FRYL: variants seen among roughly 807,000 people sequenced by gnomAD.
FRYL encodes protein furry homolog-like.
Under a neutral mutation model 351.2 loss-of-function variants are expected in FRYL, and 150 were observed. The ratio of observed to expected loss-of-function variants is 0.43; its 90% confidence interval spans 0.37 to 0.49. The LOEUF is 0.49. Ranked by LOEUF, FRYL falls within the 20% of genes least tolerant of loss-of-function variation. FRYL has a pLI of 0.00. For synonymous variants in FRYL, 1,153 were observed against 1,257.1 expected, an observed-to-expected ratio of 0.92 and a Z score of 1.75; for missense variants, 3,036 against 3,619.3, an observed-to-expected ratio of 0.84 and a Z score of 4.13.
chr4:48,716,684 C>G (rs907932662), intron 1 of FRYL, among the ~76,000 whole-genome samples: 3 of 151,560 alleles, frequency 2.0e-5, no homozygotes, highest in African/African-American at 7.3e-5. Context: ...GGTCTGTAAA[C>G]TTGTTCAACC....
chr4:48,561,606 G>A lies in FRYL; in HGVS notation c.3727C>T (p.His1243Tyr), dbSNP rs2149054783. The change falls in exon 33 of 64, where the codon CAC (histidine) becomes TAC (tyrosine). Residue 1243 changes from histidine to tyrosine, a missense_variant. His to Tyr is a moderately conservative substitution (Grantham distance 83, BLOSUM62 2). Around this residue, in one of 7 missense-constraint regions of FRYL, gnomAD observed 1,987 missense variants for 2,311.7 expected, o/e 0.86. Transcript: ENST00000358350. Reference protein sequence around the residue: ...ILEPKMFRYAHKLEVQRTDGV... With the variant: ...ILEPKMFRYAYKLEVQRTDGV... ...TCTGTTCTCTGAACCTCCAATTTGTGAGCATAGCGAAACATCTTCGGTTCC... is the reference window on the plus strand; with the variant it reads ...TCTGTTCTCTGAACCTCCAATTTGTAAGCATAGCGAAACATCTTCGGTTCC... The A allele has an allele frequency of 6.2e-6, 10 of 1,610,992 alleles. No individual in the cohort carries two copies. The highest frequency in any genetic ancestry group is 8.5e-6 in the Non-Finnish European group (10 of 1,178,132).
At chr4:48,712,489 G>T (rs201529518) in intron 1 of FRYL, among the ~76,000 whole-genome samples, 1 of 152,158 alleles carries the variant, frequency 6.6e-6, no homozygotes, top group Non-Finnish European at 1.5e-5. Flanking sequence ...TGAAATGAAA[G>T]AAATGAAGCG....
intron 19 of FRYL, among the ~76,000 whole-genome samples, chr4:48,583,551 G>C (rs1239274257): frequency 1.3e-5 from 2 of 151,862 alleles, no homozygotes; most frequent in Non-Finnish European, 2.9e-5. Flanking sequence ...AATAATTATT[G>C]AAGGTCAGAA....
intron 1 of FRYL, among the ~76,000 whole-genome samples, chr4:48,741,786 TG>T (rs1304838213): frequency 6.6e-6 from 1 of 152,176 alleles, no homozygotes; most frequent in Non-Finnish European, 1.5e-5. Flanking sequence ...GCCTGAAAAC[TG>T]ACTGGCTGAT....
chr4:48,606,465 A>C lies in FRYL; in HGVS notation c.714T>G (p.Asp238Glu). Reference sequence around the variant, plus strand: ...GCATAAATTGAAATGATGCTTCAAAATCTTCTACAGGATACATTTTTACTC... The same window carrying C: ...GCATAAATTGAAATGATGCTTCAAACTCTTCTACAGGATACATTTTTACTC... ...FFRVKMYPVE[D>E]FEASFQFMQE... Residue 238 changes from aspartate (D) to glutamate (E), a missense_variant, in exon 10 of 64, where the codon GAT becomes GAG. By Grantham distance (45) the Asp-to-Glu change is conservative. Transcript: ENST00000358350. 1 of 1,610,566 alleles carries C rather than the reference A, an allele frequency of 6.2e-7. No individual in the cohort carries two copies. The highest frequency in any genetic ancestry group is 8.5e-7 in the Non-Finnish European group (1 of 1,177,444).
At chr4:48,730,758 C>A (rs1770634242) in intron 1 of FRYL, among the ~76,000 whole-genome samples, 1 of 152,070 alleles carries the variant, frequency 6.6e-6, no homozygotes, top group Admixed American at 6.6e-5. Context: ...CCAGCCACTG[C>A]AAAACATGCC....
intron 58 of FRYL, among the ~76,000 whole-genome samples, chr4:48,510,399 T>TA (rs1160498195): frequency 1.3e-5 from 2 of 152,204 alleles, no homozygotes; most frequent in Non-Finnish European, 2.9e-5. Flanking sequence ...GCCAGACCAG[T>TA]ACATACCTCA....
Position 48,647,561 on chromosome 4 carries a change from C to T in FRYL, c.-80-13071G>A, listed in dbSNP as rs377539925. On this transcript the variant is annotated intron_variant, in intron 3 of 63. Coordinates refer to ENST00000358350, the MANE Select transcript of FRYL (RefSeq NM_015030.2). ...GTGAAACCCAAATACTTAATGAGTC[C>T]GATAATCAGCTGTACTTCTCACAAC... Among the ~76,000 whole-genome samples, 13 of 152,104 alleles carry T rather than the reference C, an allele frequency of 8.5e-5. No individual in the cohort carries two copies. In the East Asian group the frequency reaches 1.7e-3, roughly 20 times the overall value.
chr4:48,515,951 T>C (rs1308351899), intron 55 of FRYL, among the ~76,000 whole-genome samples: 1 of 152,094 alleles, frequency 6.6e-6, no homozygotes, highest in Admixed American at 6.6e-5. Context: ...CACAGTATAT[T>C]CCGGATATAA....
At position 48,561,499 on chromosome 4, in the gene FRYL, C is replaced by T. The variant is rs766513078; in HGVS notation, c.3834G>A (p.Ala1278=). The T allele has an allele frequency of 2.6e-5, 42 of 1,609,150 alleles. No homozygotes were observed. The highest frequency in any genetic ancestry group is 1.6e-4 in the East Asian group (7 of 44,824). The part of the protein sequence containing the change: ...YYQLSEELAR[A]YPELTLAIFS... ...ATATGGCGAGAGTTAGCTCAGGATA[C>T]GCCCTTGCTAGTTCCTCGGACAACT... The change falls in exon 33 of 64, where the codon GCG becomes GCA. Residue 1278 remains alanine, a synonymous_variant. Transcript: ENST00000358350.
At chr4:48,716,910 G>T (rs1768901821) in intron 1 of FRYL, among the ~76,000 whole-genome samples, 1 of 150,930 alleles carries the variant, frequency 6.6e-6, no homozygotes, top group African/African-American at 2.4e-5. Flanking sequence ...AAGAAAATGT[G>T]GCACATATAC....
chr4:48,715,846 G>T (rs1578813946), intron 1 of FRYL, among the ~76,000 whole-genome samples: 1 of 152,184 alleles, frequency 6.6e-6, no homozygotes, highest in South Asian at 2.1e-4. Flanking sequence ...AACAAAGCTG[G>T]AGGCATCATA....
chr4:48,740,713 T>C (rs4695401), intron 1 of FRYL, among the ~76,000 whole-genome samples: 62,880 of 151,934 alleles, frequency 0.41, 14,313 homozygotes, highest in Admixed American at 0.56. Context: ...AAAACCACAA[T>C]GAAATACCAC....
At chr4:48,663,539 A>G (rs761906157) in intron 3 of FRYL, among the ~76,000 whole-genome samples, 1 of 151,682 alleles carries the variant, frequency 6.6e-6, no homozygotes, top group Non-Finnish European at 1.5e-5. Flanking sequence ...GTGATCTAAA[A>G]ACTGCAAAGA....
At chr4:48,594,686 C>T (rs544064956) in intron 15 of FRYL, among the ~76,000 whole-genome samples, 5 of 152,266 alleles carry the variant, frequency 3.3e-5, no homozygotes, top group Admixed American at 3.3e-4. Context: ...TATTTCTTCA[C>T]TGTCAAAAAT....
chr4:48,570,781 C>G, intron 27 of FRYL, 46 bp downstream of exon 27: 1 of 1,375,618 alleles, frequency 7.3e-7, no homozygotes, highest in Non-Finnish European at 1.0e-6. Context: ...AGATTACGTT[C>G]TCTAGGATCA....
chr4:48,552,889 ATT>A (rs1322543766), intron 36 of FRYL, among the ~76,000 whole-genome samples: 1 of 152,104 alleles, frequency 6.6e-6, no homozygotes, highest in African/African-American at 2.4e-5. Flanking sequence ...CCTTTTTACT[ATT>A]TTGAATTTCA....
intron 20 of FRYL, 96 bp from the exon 21 acceptor site, chr4:48,581,701 T>C: frequency 1.0e-6 from 1 of 981,796 alleles, no homozygotes; most frequent in Non-Finnish European, 1.5e-6. Flanking sequence ...ATAGTGATTA[T>C]GACTACCGGT....
At chr4:48,537,624 A>G (rs973411402) in intron 47 of FRYL, among the ~76,000 whole-genome samples, 2 of 152,202 alleles carry the variant, frequency 1.3e-5, no homozygotes, top group Non-Finnish European at 2.9e-5. Context: ...CGGAGAGGGA[A>G]CCTTTGTGTG....
Sources: gnomAD v4.1 joint callset for allele counts (sites outside exome capture counted in the v4.1 genomes callset) on GRCh38, gnomAD v4.1.1 for gene constraint, gnomAD v4.1.1 regional missense constraint, MANE v1.5 for transcripts, NCBI Gene and HGNC (gene_info 2026-07-23, HGNC 2026-07-21) for gene names.